The following CENPP variants were observed in gnomAD, a reference collection of about 807,000 sequenced individuals.
CENPP encodes centromere protein P.
CENPP carries 24 observed loss-of-function variants against 35.6 expected under a neutral mutation model. The observed-to-expected ratio is 0.67, with a 90% CI of 0.49 to 0.95. CENPP has a LOEUF of 0.95. Among genes scored for constraint, CENPP ranks in the 40% least tolerant of loss-of-function variants. The pLI, the probability that CENPP is intolerant of heterozygous loss-of-function variation, is 0.00. For synonymous variants in CENPP, 120 were observed against 125.5 expected (o/e 0.96, Z 0.29); for missense variants, 332 against 345.3 (o/e 0.96, Z 0.31).
At chr9:92,391,524 A>G (rs1481620642) in intron 5 of CENPP, among the ~76,000 whole-genome samples, 3 of 152,130 alleles carry the variant, frequency 2.0e-5, no homozygotes, top group Non-Finnish European at 2.9e-5. Flanking sequence ...CCTTGAACCC[A>G]GGAGGCAGAG....
intron 5 of CENPP, among the ~76,000 whole-genome samples, chr9:92,407,886 A>G (rs1843349686): frequency 6.6e-6 from 1 of 152,134 alleles, no homozygotes; most frequent in Non-Finnish European, 1.5e-5. Context: ...CTTTTAGGTG[A>G]CCCTATTGTA....
At chr9:92,555,491 A>T (rs1207359797) in intron 5 of CENPP, among the ~76,000 whole-genome samples, 1 of 151,856 alleles carries the variant, frequency 6.6e-6, no homozygotes, top group Admixed American at 6.6e-5. Context: ...AGCCTCCCAA[A>T]GTGCTGGGAT....
chr9:92,566,256 C>T (rs1236686557), intron 5 of CENPP, among the ~76,000 whole-genome samples: 8 of 150,936 alleles, frequency 5.3e-5, no homozygotes, highest in Non-Finnish European at 7.4e-5. Context: ...CCAAAGATTG[C>T]GCCATTGCAC....
chr9:92,390,020 A>C, intron 5 of CENPP: 4 of 1,605,808 alleles, frequency 2.5e-6, no homozygotes, highest in Non-Finnish European at 3.4e-6. Context: ...TATATCTTCT[A>C]TCAAATTTCC....
In CENPP at chr9:92,519,167, C is replaced by G. The variant is rs186804002; in HGVS notation, c.565-92147C>G. 4.2e-3 allele frequency among the ~76,000 whole-genome samples: 632 copies of G among 152,280 alleles called. 1 individual carries two copies. The highest frequency in any genetic ancestry group is 8.5e-3 in the Admixed American group (130 of 15,294). ...TCAGCCCAATTCAGGCCCTACCCAT[C>G]TCTCATTCGAATACTTGCAATAGGC... On this transcript the variant is annotated intron_variant, in intron 5 of 7. Coordinates refer to ENST00000375587, the MANE Select transcript of CENPP (RefSeq NM_001012267.3).
intron 5 of CENPP, among the ~76,000 whole-genome samples, chr9:92,571,044 G>A (rs1850124620): frequency 6.6e-6 from 1 of 151,984 alleles, no homozygotes; most frequent in African/African-American, 2.4e-5. Context: ...TGGATTCATT[G>A]ATTTTTTTGA....
At chr9:92,352,868 C>A (rs751587805) in intron 4 of CENPP, among the ~76,000 whole-genome samples, 1 of 151,948 alleles carries the variant, frequency 6.6e-6, no homozygotes, top group African/African-American at 2.4e-5. Context: ...CAGACGCACC[C>A]AGGATTAATA....
chr9:92,582,628 G>GAA (rs746028139), intron 5 of CENPP, among the ~76,000 whole-genome samples: 5 of 140,280 alleles, frequency 3.6e-5, no homozygotes, highest in African/African-American at 7.8e-5. Context: ...GTCCTTTCTG[G>GAA]AAAAAAAAAA....
chr9:92,326,211 G>C, intron 1 of CENPP, 106 bp downstream of exon 1: 1 of 747,564 alleles, frequency 1.3e-6, no homozygotes, highest in Non-Finnish European at 2.2e-6. Flanking sequence ...GCCCTAGAAA[G>C]TGGGCATGAA....
At chr9:92,408,057 A>G (rs1843353791) in intron 5 of CENPP, among the ~76,000 whole-genome samples, 1 of 152,184 alleles carries the variant, frequency 6.6e-6, no homozygotes, top group African/African-American at 2.4e-5. Flanking sequence ...AGACCATATG[A>G]CCTCCAAGTG....
chr9:92,374,260 T>TGTGTGC (rs1280888379), intron 4 of CENPP, among the ~76,000 whole-genome samples: 2 of 150,666 alleles, frequency 1.3e-5, no homozygotes, highest in African/African-American at 4.9e-5. Context: ...TGTGTGTGTG[T>TGTGTGC]GTGTGTGTGT....
chr9:92,448,690 G>T (rs1330942416), intron 5 of CENPP, among the ~76,000 whole-genome samples: 3 of 152,164 alleles, frequency 2.0e-5, no homozygotes, highest in African/African-American at 7.2e-5. Context: ...TGAAGCCGTA[G>T]GTGTCAGCCA....
In CENPP at chr9:92,619,712, G is replaced by T. The variant is rs41266681; in HGVS notation, c.*6563G>T. On this transcript the variant is annotated 3_prime_UTR_variant, in exon 8 of 8. Transcript: ENST00000375587. ...TAGGAGCGAGGGCCACGGTGAGCAC[G>T]GGCGTCAGGAGGTCGCCCTGTGAGA... 1.4e-6 allele frequency: 1 copy of T among 716,262 alleles called. No homozygotes were observed. Among genetic ancestry groups the T allele is most frequent in the Non-Finnish European group, 2.4e-6 (1 of 418,016 alleles). 44.4% of individuals were successfully genotyped at this position (716,262 alleles called of 1,614,324 possible).
intron 5 of CENPP, among the ~76,000 whole-genome samples, chr9:92,521,532 T>G (rs1330326613): frequency 6.6e-6 from 1 of 152,204 alleles, no homozygotes; most frequent in East Asian, 1.9e-4. Context: ...AGACAATATA[T>G]GAAATACTGG....
At position 92,357,461 on chromosome 9, in the gene CENPP, CATTATTATTATTATTATTATT is replaced by C. The variant is rs36222751; in HGVS notation, c.467+11702_467+11722del. Among the ~76,000 whole-genome samples the C allele has an allele frequency of 2.1e-3, 301 of 143,424 alleles. 2 individuals carry two copies. Among genetic ancestry groups the C allele is most frequent in the Non-Finnish European group, 2.5e-3 (163 of 66,342 alleles). The allele number at this position is 143,424 out of a possible 152,430, so 94.1% of individuals were successfully genotyped here. On this transcript the variant is annotated intron_variant, in intron 4 of 7. Transcript: ENST00000375587. ...GCCACATCCCTTTGATCATCTCCCT[CATTATTATTATTATTATTATT>C]ATTATTATTATTATTATTATTATTA... is the stretch of plus-strand genomic sequence containing the variant.
At chr9:92,416,529 G>T in intron 5 of CENPP, 1 of 846,540 alleles carries the variant, frequency 1.2e-6, no homozygotes, top group Non-Finnish European at 1.8e-6. Context: ...TTTCAGCAAT[G>T]TCTAAAGCAT....
chr9:92,614,653 T>C lies in CENPP; in HGVS notation c.*1504T>C, dbSNP rs1851375335. On this transcript the variant is annotated 3_prime_UTR_variant, in exon 8 of 8. Transcript: ENST00000375587. The stretch of plus-strand genomic sequence containing the variant: ...TAGTTTCCTTATTTCTCATGTATCA[T>C]TTTCATATAATTCCATGGTTTCACT... 1 of 152,658 alleles carries C rather than the reference T, an allele frequency of 6.6e-6. No individual in the cohort carries two copies. The highest frequency in any genetic ancestry group is 1.5e-5 in the Non-Finnish European group (1 of 68,046). 9.5% of individuals were successfully genotyped at this position (152,658 alleles called of 1,614,324 possible). A position where few individuals can be genotyped will look rare whatever the true frequency, so the allele number is the denominator to read the frequency against.
chr9:92,416,103 AT>A (rs1196539814), intron 5 of CENPP, among the ~76,000 whole-genome samples: 31 of 128,486 alleles, frequency 2.4e-4, no homozygotes, highest in South Asian at 1.3e-3. Context: ...TATTTATTTT[AT>A]TTTTTTTTTT....
intron 5 of CENPP, among the ~76,000 whole-genome samples, chr9:92,555,351 C>A (rs143367678): frequency 6.6e-6 from 1 of 150,428 alleles, no homozygotes; most frequent in Non-Finnish European, 1.5e-5. Flanking sequence ...CTCAACCTCC[C>A]GAGTAGCTGG....
Sources: gnomAD v4.1 joint callset for allele counts (sites outside exome capture counted in the v4.1 genomes callset) on GRCh38, gnomAD v4.1.1 for gene constraint, MANE v1.5 for transcripts, NCBI Gene and HGNC (gene_info 2026-07-23, HGNC 2026-07-21) for gene names.